LRP6: variants seen among roughly 807,000 people sequenced by gnomAD.
The protein encoded by LRP6 is LDL receptor related protein 6.
Under a neutral mutation model 184.1 loss-of-function variants are expected in LRP6, and 43 were observed. That is an observed-to-expected ratio of 0.23 (90% CI 0.18 to 0.30). The LOEUF (loss-of-function observed/expected upper bound fraction) is 0.30. Ranked by LOEUF, LRP6 falls within the 10% of genes least tolerant of loss-of-function variation. LRP6 has a pLI of 1.00. For missense variants in LRP6, 1,571 were observed against 2,005.3 expected, an observed-to-expected ratio of 0.78 and a Z score of 4.14; for synonymous variants, 719 against 684.9, an observed-to-expected ratio of 1.05 and a Z score of -0.78.
intron 19 of LRP6, among the ~76,000 whole-genome samples, chr12:12,129,354 A>G (rs1357753996): frequency 6.6e-6 from 1 of 152,124 alleles, no homozygotes; most frequent in Non-Finnish European, 1.5e-5. Flanking sequence ...ATAGTCCTCC[A>G]TGATTGTACC....
chr12:12,257,252 G>T (rs1457869116), intron 1 of LRP6, among the ~76,000 whole-genome samples: 1 of 152,130 alleles, frequency 6.6e-6, no homozygotes, highest in African/African-American at 2.4e-5. Flanking sequence ...TTTACTGTAT[G>T]TGAATTATAG....
chr12:12,150,133 TATTATA>T (rs71061014), intron 13 of LRP6, among the ~76,000 whole-genome samples: 7,843 of 152,238 alleles, frequency 0.052, 278 homozygotes, highest in Middle Eastern at 0.17. Context: ...TTATTTATAG[TATTATA>T]ATCCCAGTCT....
chr12:12,182,783 C>A (rs1039876597), intron 5 of LRP6, among the ~76,000 whole-genome samples: 1 of 152,190 alleles, frequency 6.6e-6, no homozygotes, highest in Non-Finnish European at 1.5e-5. Flanking sequence ...CAGCCTAGAA[C>A]TTCACAAAGA....
intron 2 of LRP6, among the ~76,000 whole-genome samples, chr12:12,235,277 G>A (rs1187573711): frequency 6.6e-6 from 1 of 152,188 alleles, no homozygotes; most frequent in Non-Finnish European, 1.5e-5. Flanking sequence ...AGAAAAGGGA[G>A]AAGACTACAA....
intron 2 of LRP6, among the ~76,000 whole-genome samples, chr12:12,239,535 CA>C (rs2135908819): frequency 6.6e-6 from 1 of 152,276 alleles, no homozygotes; most frequent in African/African-American, 2.4e-5. Flanking sequence ...AATTAGCTGA[CA>C]AACCCCTCCT....
chr12:12,265,073 A>G (rs998809718), intron 1 of LRP6, among the ~76,000 whole-genome samples: 1 of 152,194 alleles, frequency 6.6e-6, no homozygotes, highest in Non-Finnish European at 1.5e-5. Context: ...TTTTCCCACG[A>G]CTCTAACCAA....
intron 12 of LRP6, among the ~76,000 whole-genome samples, chr12:12,151,934 T>G (rs1950087112): frequency 6.6e-6 from 1 of 152,096 alleles, no homozygotes; most frequent in African/African-American, 2.4e-5. Flanking sequence ...AGATACTATT[T>G]TGTTGTTTAT....
At chr12:12,130,372 G>C (rs1314699866) in intron 19 of LRP6, among the ~76,000 whole-genome samples, 1 of 151,894 alleles carries the variant, frequency 6.6e-6, no homozygotes. Context: ...TTTTAGTACA[G>C]CTAGGGTTTC....
intron 15 of LRP6, among the ~76,000 whole-genome samples, chr12:12,146,414 T>C (rs1384238626): frequency 6.6e-6 from 1 of 152,222 alleles, no homozygotes; most frequent in Non-Finnish European, 1.5e-5. Context: ...ACAAATAGTA[T>C]ATTTTAATTT....
intron 19 of LRP6, among the ~76,000 whole-genome samples, chr12:12,128,155 T>C (rs1949699144): frequency 6.6e-6 from 1 of 152,196 alleles, no homozygotes; most frequent in Admixed American, 6.5e-5. Flanking sequence ...CAGTCAAAGT[T>C]CTACTATTTG....
chr12:12,130,210 G>T (rs1353323907), intron 19 of LRP6, among the ~76,000 whole-genome samples: 2 of 147,830 alleles, frequency 1.4e-5, no homozygotes, highest in Non-Finnish European at 3.0e-5. Context: ...TTTTTGAGAC[G>T]GAGTCTTGCT....
chr12:12,262,531 C>T (rs1487988967), intron 1 of LRP6, among the ~76,000 whole-genome samples: 1 of 149,850 alleles, frequency 6.7e-6, no homozygotes, highest in African/African-American at 2.5e-5. Context: ...GCACTTCAGC[C>T]TGAGCGACAG....
At chr12:12,167,942 T>C (rs1316157833) in intron 7 of LRP6, among the ~76,000 whole-genome samples, 1 of 152,186 alleles carries the variant, frequency 6.6e-6, no homozygotes, top group African/African-American at 2.4e-5. Context: ...GAGACCTTTA[T>C]GTATCCTGAA....
intron 7 of LRP6, among the ~76,000 whole-genome samples, chr12:12,179,522 C>T (rs999079145): frequency 9.2e-5 from 14 of 152,070 alleles, no homozygotes; most frequent in Admixed American, 9.2e-4. Flanking sequence ...CTAGGAAATT[C>T]AGAAAGTGGC....
At chr12:12,248,712 C>T (rs1192677921) in intron 1 of LRP6, among the ~76,000 whole-genome samples, 7 of 151,932 alleles carry the variant, frequency 4.6e-5, no homozygotes, top group Non-Finnish European at 1.0e-4. Flanking sequence ...GATCTCCTGA[C>T]CTCGTGATCC....
intron 1 of LRP6, among the ~76,000 whole-genome samples, chr12:12,258,797 CTAATCATTAGTGA>C (rs1865537566): frequency 6.6e-6 from 1 of 152,156 alleles, no homozygotes; most frequent in African/African-American, 2.4e-5. Flanking sequence ...ACCAATAAAG[CTAATCATTAGTGA>C]GGAAGACTCC....
In LRP6 at chr12:12,148,985, C is replaced by G. The variant is rs896163028; in HGVS notation, c.3163G>C (p.Glu1055Gln). The G allele has an allele frequency of 2.5e-6, 4 of 1,613,766 alleles. No individual in the cohort carries two copies. The African/African-American group carries it at 4.0e-5, about 16-fold the overall frequency. Reference protein sequence around the residue: ...GRSVGVVLKGEQDRPRAVVVN... With the variant: ...GRSVGVVLKGQQDRPRAVVVN... Reference sequence around the variant, plus strand: ...ACAACGGCTCGAGGTCTGTCCTGCTCGCCTTTCAGCACCACTCCAACTGAT... The same window carrying G: ...ACAACGGCTCGAGGTCTGTCCTGCTGGCCTTTCAGCACCACTCCAACTGAT... Residue 1055 changes from glutamate to glutamine, a missense_variant, in exon 14 of 23, where the codon GAG becomes CAG. Transcript: ENST00000261349.
chr12:12,117,096 G>A lies in LRP6; in HGVS notation c.*4030C>T, dbSNP rs1949529089. 6.6e-6 allele frequency: 1 copy of A among 152,146 alleles called. No individual in the cohort carries two copies. The highest frequency in any genetic ancestry group is 6.5e-5 in the Admixed American group (1 of 15,280). 9.4% of individuals were successfully genotyped at this position (152,146 alleles called of 1,614,324 possible). On this transcript the variant is annotated 3_prime_UTR_variant, in exon 23 of 23. Coordinates refer to ENST00000261349, the MANE Select transcript of LRP6 (RefSeq NM_002336.3). ...ATCCCAAAAGTCAGAAGCCACACATGCACTACAAGTACTTTCTAAAATCAT... is the reference window on the plus strand; with the variant it reads ...ATCCCAAAAGTCAGAAGCCACACATACACTACAAGTACTTTCTAAAATCAT...
intron 3 of LRP6, among the ~76,000 whole-genome samples, chr12:12,191,394 A>G (rs1446014216): frequency 6.6e-6 from 1 of 152,204 alleles, no homozygotes; most frequent in Non-Finnish European, 1.5e-5. Context: ...CCAGAAAGCT[A>G]GCTGCCATTA....
Sources: gnomAD v4.1 joint callset for allele counts (sites outside exome capture counted in the v4.1 genomes callset) on GRCh38, gnomAD v4.1.1 for gene constraint, MANE v1.5 for transcripts, NCBI Gene and HGNC (gene_info 2026-07-23, HGNC 2026-07-21) for gene names.